The following COL28A1 variants were observed in gnomAD, a reference collection of about 807,000 sequenced individuals.
COL28A1 encodes collagen type XXVIII alpha 1 chain.
COL28A1 carries 161 observed loss-of-function variants against 150.2 expected under a neutral mutation model. The ratio of observed to expected loss-of-function variants is 1.07; its 90% confidence interval spans 0.94 to 1.22. The LOEUF is 1.22. Among genes scored for constraint, COL28A1 ranks in the 50% most tolerant of loss-of-function variants. COL28A1 has a pLI of 0.00. For synonymous variants in COL28A1, 552 were observed against 469.7 expected, an observed-to-expected ratio of 1.18 and a Z score of -2.26; for missense variants, 1,617 against 1,388.3, an observed-to-expected ratio of 1.16 and a Z score of -2.62.
intron 3 of COL28A1, among the ~76,000 whole-genome samples, chr7:7,527,186 CA>C (rs1225767371): frequency 2.0e-5 from 3 of 152,118 alleles, no homozygotes; most frequent in Non-Finnish European, 4.4e-5. Context: ...CAAAACTACA[CA>C]ATAGATAAGA....
At chr7:7,478,750 G>C (rs1335455246) in intron 13 of COL28A1, among the ~76,000 whole-genome samples, 3 of 152,246 alleles carry the variant, frequency 2.0e-5, no homozygotes, top group African/African-American at 7.2e-5. Context: ...CAGCACTGCT[G>C]GGGGACCCAG....
intron 11 of COL28A1, among the ~76,000 whole-genome samples, chr7:7,493,849 AAC>A (rs3040237): frequency 0.31 from 46,925 of 150,332 alleles, 8,045 homozygotes; most frequent in Non-Finnish European, 0.39. Flanking sequence ...AGCCCTTAGC[AAC>A]ACACACACAC....
At chr7:7,385,533 TTATTTC>T (rs1262569362) in intron 27 of COL28A1, among the ~76,000 whole-genome samples, 1 of 152,192 alleles carries the variant, frequency 6.6e-6, no homozygotes, top group East Asian at 1.9e-4. Context: ...CTCAGAATAA[TTATTTC>T]TTTTGCAATA....
At chr7:7,371,028 T>C (rs553773766) in intron 32 of COL28A1, 146 bp from the exon 33 acceptor site, 1 of 612,442 alleles carries the variant, frequency 1.6e-6, no homozygotes, top group Admixed American at 3.1e-5. Context: ...TATAAAAGCA[T>C]TTTTACATCC....
intron 20 of COL28A1, 59 bp from the exon 21 acceptor site, chr7:7,440,920 C>A (rs1785727459): frequency 1.2e-6 from 1 of 830,802 alleles, no homozygotes; most frequent in Non-Finnish European, 2.1e-6. Context: ...CTCCCCTAAT[C>A]TAGCAAGGAC....
chr7:7,362,251 T>TTCTTTTC (rs1275219191), intron 33 of COL28A1, among the ~76,000 whole-genome samples: 37 of 7,872 alleles, frequency 4.7e-3, no homozygotes, highest in Admixed American at 0.047. Context: ...AATAATTATA[T>TTCTTTTC]TCTTTTGCAA....
Position 7,526,858 on chromosome 7 carries a change from CTCCTGACCT to C in COL28A1, c.682-2618_682-2610del, listed in dbSNP as rs1311994933. On this transcript the variant is annotated intron_variant, in intron 3 of 34. Coordinates refer to ENST00000399429, the MANE Select transcript of COL28A1 (RefSeq NM_001037763.3). ...TCATGTCGGCCAGGCTGGTCTCAAA[CTCCTGACCT>C]CAAGTGATCCACCCACCTTGGCCTC... is the stretch of plus-strand genomic sequence containing the variant. 2.0e-5 allele frequency among the ~76,000 whole-genome samples: 3 copies of C among 152,144 alleles called. No individual in the cohort carries two copies. The East Asian group carries it at 5.8e-4, about 29-fold the overall frequency.
intron 18 of COL28A1, among the ~76,000 whole-genome samples, chr7:7,445,314 T>C (rs184710945): frequency 2.7e-3 from 416 of 152,066 alleles, no homozygotes; most frequent in Admixed American, 4.8e-3. Context: ...AAGACTGGAG[T>C]GAGCGTCTGC....
At chr7:7,493,788 G>T (rs551233707) in intron 11 of COL28A1, among the ~76,000 whole-genome samples, 2 of 151,910 alleles carry the variant, frequency 1.3e-5, no homozygotes, top group African/African-American at 4.8e-5. Flanking sequence ...AGTCAGAATA[G>T]CCCTGGTAAG....
chr7:7,454,803 G>A (rs1258094632), intron 16 of COL28A1, among the ~76,000 whole-genome samples: 2 of 152,144 alleles, frequency 1.3e-5, no homozygotes, highest in Non-Finnish European at 2.9e-5. Context: ...AAACTAAAAG[G>A]CTTGAGAATG....
At chr7:7,344,826 T>C in the COL28A1 span, among the ~76,000 whole-genome samples, 1 of 152,138 alleles carries the variant, frequency 6.6e-6, no homozygotes, top group South Asian at 2.1e-4. Context: ...TGCAATCTGC[T>C]GGAAGGCTGA....
At chr7:7,509,218 C>A (rs547689567) in intron 9 of COL28A1, among the ~76,000 whole-genome samples, 2 of 151,966 alleles carry the variant, frequency 1.3e-5, no homozygotes, top group East Asian at 3.9e-4. Flanking sequence ...GCAGCCTCAA[C>A]CCCCTGGACT....
chr7:7,515,717 A>T (rs1259482705), intron 8 of COL28A1, 97 bp downstream of exon 8: 1 of 755,506 alleles, frequency 1.3e-6, no homozygotes, highest in East Asian at 2.5e-5. Flanking sequence ...GACTTACAAA[A>T]ATAAAGAAAA....
the COL28A1 span, among the ~76,000 whole-genome samples, chr7:7,541,264 G>A: frequency 2.0e-5 from 3 of 151,946 alleles, no homozygotes; most frequent in African/African-American, 4.8e-5. Context: ...TCTATACTAA[G>A]GGTAAATTAT....
At chr7:7,405,276 G>A (rs1476036551) in intron 27 of COL28A1, among the ~76,000 whole-genome samples, 5 of 152,192 alleles carry the variant, frequency 3.3e-5, no homozygotes, top group South Asian at 2.1e-4. Flanking sequence ...TGTGTACACC[G>A]TTATTTAAGT....
rs185472908 is a variant in COL28A1 at position 7,365,078 on chromosome 7, G to C, written c.3067-4550C>G. Among the ~76,000 whole-genome samples the C allele has an allele frequency of 3.2e-3, 484 of 152,122 alleles. 3 individuals are homozygous for C. Among genetic ancestry groups the C allele is most frequent in the African/African-American group, 0.011 (463 of 41,494 alleles). ...AAAGTTGGATTTAACCAACACAAAC[G>C]ACTGGCAGAATACACACCCAATTCA... On this transcript the variant is annotated intron_variant, in intron 33 of 34. Transcript: ENST00000399429.
chr7:7,515,552 A>C (rs1229001497), intron 8 of COL28A1, among the ~76,000 whole-genome samples: 1 of 152,140 alleles, frequency 6.6e-6, no homozygotes, highest in Non-Finnish European at 1.5e-5. Flanking sequence ...ATGGCTTATA[A>C]ATTGGGGTTC....
At chr7:7,437,176 G>C (rs1372645074) in intron 22 of COL28A1, among the ~76,000 whole-genome samples, 1 of 152,070 alleles carries the variant, frequency 6.6e-6, no homozygotes, top group Non-Finnish European at 1.5e-5. Flanking sequence ...CGTAATGAAG[G>C]GTAAAGTGAC....
At chr7:7,408,786 A>G (rs1383905914) in intron 27 of COL28A1, among the ~76,000 whole-genome samples, 3 of 152,180 alleles carry the variant, frequency 2.0e-5, no homozygotes, top group African/African-American at 7.2e-5. Flanking sequence ...AAAATAGATT[A>G]TCAGGAAAAA....
Sources: allele counts gnomAD v4.1 joint callset (sites outside exome capture counted in the v4.1 genomes callset), GRCh38; gene constraint gnomAD v4.1.1; transcripts MANE v1.5; gene names NCBI Gene and HGNC (gene_info 2026-07-23, HGNC 2026-07-21).